Variants in SLC44A5 observed in about 807,000 individuals in gnomAD.
SLC44A5 encodes choline transporter-like protein 5.
In SLC44A5, 57 loss-of-function variants were observed where a neutral mutation model predicts 101.8. The observed-to-expected ratio is 0.56, with a 90% confidence interval of 0.45 to 0.70. SLC44A5 has a LOEUF of 0.70. SLC44A5 is among the 30% of genes least tolerant of loss of function. The pLI is 0.00. For synonymous variants in SLC44A5, 281 were observed against 290.9 expected (o/e 0.97, Z 0.35); for missense variants, 737 against 853.1 (o/e 0.86, Z 1.70).
chr1:75,462,742 A>G (rs1666574846), intron 2 of SLC44A5, among the ~76,000 whole-genome samples: 1 of 152,112 alleles, frequency 6.6e-6, no homozygotes, highest in Non-Finnish European at 1.5e-5. Context: ...TGCAATTGAC[A>G]TACTGAAGGA....
At chr1:75,333,782 T>A (rs1322881685) in intron 4 of SLC44A5, among the ~76,000 whole-genome samples, 1 of 152,106 alleles carries the variant, frequency 6.6e-6, no homozygotes, top group Non-Finnish European at 1.5e-5. Flanking sequence ...GTAAGAAGAA[T>A]GTAGAAAAAA....
chr1:75,646,960 T>C, the SLC44A5 span, among the ~76,000 whole-genome samples: 3 of 152,312 alleles, frequency 2.0e-5, no homozygotes, highest in African/African-American at 7.2e-5. Context: ...GATGAGAAAT[T>C]CAAGCCAGAT....
intron 4 of SLC44A5, among the ~76,000 whole-genome samples, chr1:75,306,004 G>T (rs1047345114): frequency 2.0e-5 from 3 of 152,188 alleles, no homozygotes; most frequent in African/African-American, 7.2e-5. Context: ...TGTACAGCCT[G>T]TGAGCTAAGA....
chr1:75,295,523 C>T (rs1245897721), intron 5 of SLC44A5, among the ~76,000 whole-genome samples: 1 of 152,176 alleles, frequency 6.6e-6, no homozygotes, highest in African/African-American at 2.4e-5. Flanking sequence ...AGGGAACTTA[C>T]TATGGAGGAA....
intron 2 of SLC44A5, among the ~76,000 whole-genome samples, chr1:75,404,219 T>G (rs1372929098): frequency 6.6e-6 from 1 of 152,046 alleles, no homozygotes; most frequent in Non-Finnish European, 1.5e-5. Flanking sequence ...CAACCTACGT[T>G]TGATTGGTGT....
intron 1 of SLC44A5, among the ~76,000 whole-genome samples, chr1:75,592,002 TC>T (rs1294302773): frequency 1.3e-5 from 2 of 152,162 alleles, no homozygotes; most frequent in Non-Finnish European, 2.9e-5. Context: ...ACACTGTTAT[TC>T]AACATAGTAC....
At chr1:75,456,552 G>C (rs1666198339) in intron 2 of SLC44A5, among the ~76,000 whole-genome samples, 1 of 152,110 alleles carries the variant, frequency 6.6e-6, no homozygotes, top group South Asian at 2.1e-4. Flanking sequence ...TTACATATTT[G>C]ATCCAAATTT....
At chr1:75,221,906 A>C (rs1647089126) in intron 14 of SLC44A5, among the ~76,000 whole-genome samples, 1 of 151,652 alleles carries the variant, frequency 6.6e-6, no homozygotes, top group African/African-American at 2.4e-5. Flanking sequence ...CAGAGTGTGA[A>C]CTTGAACAAG....
intron 3 of SLC44A5, among the ~76,000 whole-genome samples, chr1:75,356,029 TG>T (rs1213578339): frequency 6.6e-6 from 1 of 151,680 alleles, no homozygotes; most frequent in Admixed American, 6.6e-5. Flanking sequence ...CTCATCAACA[TG>T]GTGAAACCCC....
At chr1:75,453,465 A>T (rs1570323729) in intron 2 of SLC44A5, among the ~76,000 whole-genome samples, 1 of 152,126 alleles carries the variant, frequency 6.6e-6, no homozygotes, top group South Asian at 2.1e-4. Context: ...CTAACATCAC[A>T]TCTAGAGGAA....
chr1:75,241,792 T>A (rs1557566358), intron 9 of SLC44A5, among the ~76,000 whole-genome samples: 1 of 151,972 alleles, frequency 6.6e-6, no homozygotes, highest in Non-Finnish European at 1.5e-5. Flanking sequence ...CAAAGGAAAA[T>A]TCAAAAATTC....
chr1:75,407,011 T>C (rs1362056137), intron 2 of SLC44A5, among the ~76,000 whole-genome samples: 1 of 152,056 alleles, frequency 6.6e-6, no homozygotes, highest in Non-Finnish European at 1.5e-5. Flanking sequence ...TTCAGGAAAG[T>C]CTCAGGATAC....
At chr1:75,211,435 C>T (rs184468931) in intron 23 of SLC44A5, 33 bp downstream of exon 23, 22 of 1,551,070 alleles carry the variant, frequency 1.4e-5, no homozygotes, top group Middle Eastern at 1.7e-4. Flanking sequence ...AGTTATCCAC[C>T]GAAGGGGGAA....
chr1:75,559,509 C>T (rs1192987960), intron 1 of SLC44A5, among the ~76,000 whole-genome samples: 1 of 152,142 alleles, frequency 6.6e-6, no homozygotes, highest in Non-Finnish European at 1.5e-5. Flanking sequence ...ATATTGAGAA[C>T]TTTGCATTTC....
chr1:75,430,435 C>T lies in SLC44A5; in HGVS notation c.14-33814G>A, dbSNP rs369657045. Among the ~76,000 whole-genome samples the T allele has an allele frequency of 2.8e-4, 42 of 152,220 alleles. No homozygotes were observed. In the South Asian group the frequency reaches 8.3e-3, roughly 30 times the overall value. On this transcript the variant is annotated intron_variant, in intron 2 of 23. Coordinates refer to ENST00000370859, the MANE Select transcript of SLC44A5 (RefSeq NM_001130058.2). Reference sequence around the variant, plus strand: ...AGTCTGTGGTATTTTGTTATAGAAGCGCAAATGGACTAAGACAATCATGTA... The same window carrying T: ...AGTCTGTGGTATTTTGTTATAGAAGTGCAAATGGACTAAGACAATCATGTA...
intron 10 of SLC44A5, among the ~76,000 whole-genome samples, chr1:75,238,163 T>C (rs955268410): frequency 1.3e-5 from 2 of 150,704 alleles, no homozygotes; most frequent in African/African-American, 4.9e-5. Context: ...ATTTTCCTTT[T>C]TTTTTTTTTA....
chr1:75,278,614 A>G (rs1217642133), intron 5 of SLC44A5, among the ~76,000 whole-genome samples: 1 of 152,180 alleles, frequency 6.6e-6, no homozygotes, highest in African/African-American at 2.4e-5. Context: ...ATTTATAATT[A>G]AATAGTATGC....
At chr1:75,339,791 G>A (rs1480530164) in intron 3 of SLC44A5, among the ~76,000 whole-genome samples, 161 bp from the exon 4 acceptor site, 1 of 152,180 alleles carries the variant, frequency 6.6e-6, no homozygotes, top group Non-Finnish European at 1.5e-5. Context: ...GGTTACAGTT[G>A]TCAATTCTTT....
chr1:75,274,759 A>G (rs1299631581), intron 6 of SLC44A5, among the ~76,000 whole-genome samples, 199 bp downstream of exon 6: 2 of 152,222 alleles, frequency 1.3e-5, no homozygotes, highest in Non-Finnish European at 2.9e-5. Context: ...AAAATGCTGC[A>G]TAACACTGAC....
Sources: gnomAD v4.1 joint callset for allele counts (sites outside exome capture counted in the v4.1 genomes callset) on GRCh38, gnomAD v4.1.1 for gene constraint, MANE v1.5 for transcripts, NCBI Gene and HGNC (gene_info 2026-07-23, HGNC 2026-07-21) for gene names.